Variants in ANK2 observed in about 807,000 individuals in gnomAD.
The protein encoded by ANK2 is ankyrin 2, also known as ankyrin-2.
ANK2 carries 83 observed loss-of-function variants against 360.5 expected under a neutral mutation model. The ratio of observed to expected loss-of-function variants is 0.23; its 90% CI spans 0.19 to 0.28. The LOEUF (loss-of-function observed/expected upper bound fraction) is 0.28. Ranked by LOEUF, ANK2 falls within the 10% of genes least tolerant of loss-of-function variation. ANK2 has a pLI of 1.00. For synonymous variants in ANK2, 1,740 were observed against 1,759.5 expected (o/e 0.99, Z 0.28); for missense variants, 4,201 against 4,795.7 (o/e 0.88, Z 3.66).
At chr4:113,317,532 G>A (rs1205777483) in intron 24 of ANK2, 175 bp from the exon 25 acceptor site, 2 of 662,928 alleles carry the variant, frequency 3.0e-6, no homozygotes, top group African/African-American at 1.8e-5. Flanking sequence ...GTCAAAGGAT[G>A]TGTTAGTTCA....
At chr4:113,363,524 A>G in intron 40 of ANK2, 55 bp downstream of exon 40, 1 of 1,605,854 alleles carries the variant, frequency 6.2e-7, no homozygotes, top group East Asian at 2.2e-5. Flanking sequence ...CTTGCTCAAC[A>G]ACCGCATCTT....
At chr4:113,008,949 G>GATCAGCTGCTT (rs1450406885) in intron 2 of ANK2, among the ~76,000 whole-genome samples, 1 of 152,136 alleles carries the variant, frequency 6.6e-6, no homozygotes, top group Non-Finnish European at 1.5e-5. Flanking sequence ...TGCAGCTGCT[G>GATCAGCTGCTT]ATCAGCTGCT....
chr4:113,254,918 T>A (rs929321918), intron 10 of ANK2, among the ~76,000 whole-genome samples: 13 of 152,224 alleles, frequency 8.5e-5, no homozygotes, highest in African/African-American at 3.1e-4. Context: ...AAATTGTTTT[T>A]TAAAATTTAG....
At chr4:112,873,390 A>G (rs976035749) in intron 1 of ANK2, among the ~76,000 whole-genome samples, 1 of 151,762 alleles carries the variant, frequency 6.6e-6, no homozygotes, top group South Asian at 2.1e-4. Flanking sequence ...CTTAAGTTTT[A>G]GTATGTCGTA....
At chr4:112,937,623 C>T (rs138519145) in intron 2 of ANK2, among the ~76,000 whole-genome samples, 1,684 of 152,288 alleles carry the variant, frequency 0.011, 30 homozygotes, top group African/African-American at 0.038. Context: ...CCACCGCGCC[C>T]GGCCTTATTA....
chr4:112,954,846 G>A (rs116295198), intron 2 of ANK2, among the ~76,000 whole-genome samples: 168 of 151,924 alleles, frequency 1.1e-3, no homozygotes, highest in African/African-American at 3.8e-3. Flanking sequence ...TAATACTTTT[G>A]GAAAATAATT....
At chr4:113,033,479 C>G (rs890724682) in intron 2 of ANK2, among the ~76,000 whole-genome samples, 1 of 151,902 alleles carries the variant, frequency 6.6e-6, no homozygotes, top group Non-Finnish European at 1.5e-5. Context: ...AATACCCAAA[C>G]AAAACAAAAC....
At chr4:113,312,989 T>C (rs183037603) in intron 24 of ANK2, among the ~76,000 whole-genome samples, 238 of 151,868 alleles carry the variant, frequency 1.6e-3, no homozygotes, top group African/African-American at 5.4e-3. Context: ...AATTTGAGAG[T>C]TTTTTGAGAC....
chr4:113,206,684 C>G (rs1385638366), intron 4 of ANK2, among the ~76,000 whole-genome samples: 11 of 152,158 alleles, frequency 7.2e-5, no homozygotes, highest in Admixed American at 7.2e-4. Flanking sequence ...TATGCTTTTT[C>G]CAGTTCTCTA....
At chr4:113,305,271 C>T (rs1014393403) in intron 23 of ANK2, among the ~76,000 whole-genome samples, 24 of 131,720 alleles carry the variant, frequency 1.8e-4, no homozygotes, top group Non-Finnish European at 3.1e-4. Context: ...ACCCGGGAGG[C>T]GGAGCTTGCA....
chr4:112,777,509 G>A, the ANK2 span, among the ~76,000 whole-genome samples: 6 of 151,948 alleles, frequency 3.9e-5, no homozygotes, highest in South Asian at 2.1e-4. Flanking sequence ...CCAAAGTGCT[G>A]GGATTACAGG....
At chr4:113,012,515 A>G (rs2055103846) in intron 2 of ANK2, among the ~76,000 whole-genome samples, 1 of 152,102 alleles carries the variant, frequency 6.6e-6, no homozygotes, top group Non-Finnish European at 1.5e-5. Context: ...CTCTTAATTA[A>G]CCATACCCTT....
chr4:113,323,575 C>G (rs948795709), intron 26 of ANK2, among the ~76,000 whole-genome samples: 6 of 152,144 alleles, frequency 3.9e-5, no homozygotes, highest in African/African-American at 1.4e-4. Flanking sequence ...CCCCAGTTCT[C>G]TAAACTGGGA....
chr4:113,083,160 T>G (rs1581069239), intron 1 of ANK2, among the ~76,000 whole-genome samples: 1 of 152,316 alleles, frequency 6.6e-6, no homozygotes, highest in Middle Eastern at 3.4e-3. Flanking sequence ...TGTATACATG[T>G]GCCATGCTGG....
chr4:113,251,002 T>G (rs952091601), intron 10 of ANK2, among the ~76,000 whole-genome samples: 12 of 152,336 alleles, frequency 7.9e-5, no homozygotes, highest in African/African-American at 2.9e-4. Context: ...TCCGCGTTAC[T>G]TTTATTCTCA....
At chr4:112,828,446 G>C (rs1355217447) in intron 1 of ANK2, among the ~76,000 whole-genome samples, 1 of 152,072 alleles carries the variant, frequency 6.6e-6, no homozygotes, top group African/African-American at 2.4e-5. Flanking sequence ...TCTTGGCCAG[G>C]CTGGTGTTGA....
At chr4:113,331,942 T>G in intron 27 of ANK2, 30 bp from the exon 28 acceptor site, 2 of 1,584,226 alleles carry the variant, frequency 1.3e-6, no homozygotes, top group Non-Finnish European at 1.7e-6. Flanking sequence ...CCTATGTTCT[T>G]TCTTTCACTG....
intron 13 of ANK2, 147 bp from the exon 14 acceptor site, chr4:113,264,750 A>G (rs776275868): frequency 1.2e-5 from 9 of 777,914 alleles, no homozygotes; most frequent in Admixed American, 2.3e-5. Flanking sequence ...ACAAATCTAT[A>G]TTTTCCAGAC....
At chr4:112,744,507 C>A in the ANK2 span, among the ~76,000 whole-genome samples, 4 of 151,842 alleles carry the variant, frequency 2.6e-5, no homozygotes, top group African/African-American at 9.7e-5. Flanking sequence ...CCACACCACA[C>A]CAGGCTAATT....
Sources: gnomAD v4.1 joint callset for allele counts (sites outside exome capture counted in the v4.1 genomes callset) on GRCh38, gnomAD v4.1.1 for gene constraint, MANE v1.5 for transcripts, NCBI Gene and HGNC (gene_info 2026-07-23, HGNC 2026-07-21) for gene names.